SFT2D1: variants seen among roughly 807,000 people sequenced by gnomAD.
SFT2D1 encodes the protein SFT2 domain containing 1, also known as vesicle transport protein SFT2A.
Under a neutral mutation model 28.1 loss-of-function variants are expected in SFT2D1, and 24 were observed. That is an observed-to-expected ratio of 0.85 (90% CI 0.62 to 1.20). The LOEUF (loss-of-function observed/expected upper bound fraction) is 1.20, where lower values mean the gene tolerates loss of function less well. Ranked by LOEUF, SFT2D1 falls within the 50% of genes most tolerant of loss-of-function variation. The pLI is 0.00. For missense variants in SFT2D1, 181 were observed against 190.9 expected, an observed-to-expected ratio of 0.95 and a Z score of 0.31; for synonymous variants, 82 against 73.7, an observed-to-expected ratio of 1.11 and a Z score of -0.58.
intron 1 of SFT2D1, among the ~76,000 whole-genome samples, chr6:166,337,483 C>T (rs1304453367): frequency 2.0e-5 from 3 of 152,132 alleles, no homozygotes. Flanking sequence ...CCTGACTGTC[C>T]TCCCGCCTCG....
At chr6:166,328,794 C>T (rs1778497833) in intron 3 of SFT2D1, among the ~76,000 whole-genome samples, 1 of 152,144 alleles carries the variant, frequency 6.6e-6, no homozygotes, top group African/African-American at 2.4e-5. Flanking sequence ...TCTATTCTTC[C>T]TAAGTCGCCC....
At chr6:166,322,680 ACT>A (rs1778378023) in intron 7 of SFT2D1, among the ~76,000 whole-genome samples, 175 bp downstream of exon 7, 1 of 127,392 alleles carries the variant, frequency 7.8e-6, no homozygotes, top group African/African-American at 3.2e-5. Context: ...ACACAGTGAG[ACT>A]CTGTCTCAAA....
chr6:166,339,392 T>C (rs1485147524), intron 1 of SFT2D1, among the ~76,000 whole-genome samples: 1 of 151,980 alleles, frequency 6.6e-6, no homozygotes, highest in Non-Finnish European at 1.5e-5. Context: ...GCACCATAAT[T>C]TTCCCCTTTC....
In SFT2D1 at chr6:166,340,401, T is replaced by TG. The variant is rs201564169; in HGVS notation, c.63+2017dup. ...CAGAGTAAAGCTAAAATCCTTTCTA[T>TG]GGCCTATGAGAACCCTCACAATTGA... On this transcript the variant is annotated intron_variant, in intron 1 of 7. Coordinates refer to ENST00000361731, the MANE Select transcript of SFT2D1 (RefSeq NM_145169.3). Among the ~76,000 whole-genome samples, 984 of 152,356 alleles carry TG rather than the reference T, an allele frequency of 6.5e-3. 11 individuals carry two copies. Among genetic ancestry groups the TG allele is most frequent in the African/African-American group, 0.023 (941 of 41,594 alleles).
At chr6:166,332,336 C>A (rs1314286600) in intron 1 of SFT2D1, among the ~76,000 whole-genome samples, 5 of 152,180 alleles carry the variant, frequency 3.3e-5, no homozygotes, top group African/African-American at 1.2e-4. Context: ...CTCAATGCAA[C>A]CTCCGCCTCC....
At chr6:166,332,802 G>T (rs1386639428) in intron 1 of SFT2D1, among the ~76,000 whole-genome samples, 1 of 152,254 alleles carries the variant, frequency 6.6e-6, no homozygotes, top group African/African-American at 2.4e-5. Flanking sequence ...GCACAGCACT[G>T]CTTGCAACTA....
At chr6:166,337,648 A>C (rs184311403) in intron 1 of SFT2D1, among the ~76,000 whole-genome samples, 1 of 152,292 alleles carries the variant, frequency 6.6e-6, no homozygotes, top group East Asian at 1.9e-4. Context: ...GTATACTTAC[A>C]ATCTTCTAAG....
At chr6:166,322,747 CA>C (rs35147403) in intron 7 of SFT2D1, 109 bp downstream of exon 7, 557,430 of 751,546 alleles carry the variant, frequency 0.74, 207,804 homozygotes, top group East Asian at 0.92. Flanking sequence ...TAAAATCAAC[CA>C]AAAAAAAAGG....
At chr6:166,323,231 T>G (rs538408161) in intron 6 of SFT2D1, 6 of 210,080 alleles carry the variant, frequency 2.9e-5, no homozygotes, top group African/African-American at 1.4e-4. Flanking sequence ...TAGGGATAAA[T>G]CAATTATTAG....
At chr6:166,335,392 A>C (rs1242595125) in intron 1 of SFT2D1, 1 of 572,578 alleles carries the variant, frequency 1.7e-6, no homozygotes, top group Admixed American at 1.9e-5. Context: ...ATCAGCCTTC[A>C]AATTTTGGAC....
rs780317547 is a variant in SFT2D1, at chr6:166,330,263, G to A, written c.64-16C>T. The A allele has an allele frequency of 4.6e-6, 7 of 1,537,196 alleles. No homozygotes were observed. The African/African-American group carries it at 9.7e-5, about 21-fold the overall frequency. On this transcript the variant is annotated splice_polypyrimidine_tract_variant and intron_variant, in intron 1 of 7. Transcript: ENST00000361731. ...CATCCAGGACCTTAATAAAAAATGG[G>A]AAAATTTAGAATATAGTCTTAATTC...
chr6:166,323,524 C>T (rs1778392708), intron 6 of SFT2D1: 1 of 152,240 alleles, frequency 6.6e-6, no homozygotes, highest in African/African-American at 2.4e-5. Context: ...GAAAAGTACT[C>T]TTCACTAACA....
At chr6:166,329,402 C>T in intron 3 of SFT2D1, 105 bp downstream of exon 3, 1 of 844,694 alleles carries the variant, frequency 1.2e-6, no homozygotes, top group Non-Finnish European at 1.9e-6. Context: ...TGGCTGAATT[C>T]ACAGTATGTA....
At chr6:166,340,887 A>G (rs1583044843) in intron 1 of SFT2D1, among the ~76,000 whole-genome samples, 1 of 152,238 alleles carries the variant, frequency 6.6e-6, no homozygotes, top group African/African-American at 2.4e-5. Context: ...ACTTGTCTAT[A>G]CAGCCAGTCA....
chr6:166,341,542 T>A (rs1372775465), intron 1 of SFT2D1, among the ~76,000 whole-genome samples: 1 of 151,770 alleles, frequency 6.6e-6, no homozygotes, highest in Non-Finnish European at 1.5e-5. Context: ...TGTCTTACAC[T>A]CTCTGAACCC....
intron 3 of SFT2D1, 90 bp from the exon 4 acceptor site, chr6:166,328,447 T>G (rs1778492148): frequency 1.4e-6 from 1 of 723,710 alleles, no homozygotes; most frequent in African/African-American, 1.9e-5. Context: ...AAAGAAGCCC[T>G]GTTGCTTTAT....
intron 1 of SFT2D1, among the ~76,000 whole-genome samples, chr6:166,336,623 G>A (rs1778655940): frequency 6.6e-6 from 1 of 152,212 alleles, no homozygotes; most frequent in Non-Finnish European, 1.5e-5. Context: ...GTCCTCACAC[G>A]ATGGAAAGGG....
At chr6:166,332,627 A>C (rs1301607965) in intron 1 of SFT2D1, among the ~76,000 whole-genome samples, 1 of 152,220 alleles carries the variant, frequency 6.6e-6, no homozygotes, top group African/African-American at 2.4e-5. Context: ...CACCAAAACC[A>C]GCAACTTTGT....
intron 1 of SFT2D1, among the ~76,000 whole-genome samples, chr6:166,338,504 C>A (rs144735957): frequency 1.2e-4 from 18 of 152,152 alleles, no homozygotes; most frequent in Non-Finnish European, 2.2e-4. Context: ...GGAAGAGCCT[C>A]TCTAAAGAGG....
Sources: allele counts gnomAD v4.1 joint callset (sites outside exome capture counted in the v4.1 genomes callset), GRCh38; gene constraint gnomAD v4.1.1; transcripts MANE v1.5; gene names NCBI Gene and HGNC (gene_info 2026-07-23, HGNC 2026-07-21).